SPIDR: variants seen among roughly 807,000 people sequenced by gnomAD.
SPIDR encodes the protein scaffold protein involved in DNA repair, also known as DNA repair-scaffolding protein.
In SPIDR, 93 loss-of-function variants were observed where a neutral mutation model predicts 104.6. The ratio of observed to expected loss-of-function variants is 0.89; its 90% CI spans 0.75 to 1.06. The LOEUF is 1.06. Ranked by LOEUF, SPIDR falls within the 50% of genes least tolerant of loss-of-function variation. The probability of loss-of-function intolerance (pLI) is 0.00; values close to 1 mark genes in which losing one functional copy is unlikely to be tolerated. For missense variants in SPIDR, 1,154 were observed against 1,111.2 expected (o/e 1.04, Z -0.55); for synonymous variants, 431 against 416.9 (o/e 1.03, Z -0.41).
intron 7 of SPIDR, among the ~76,000 whole-genome samples, chr8:47,409,322 C>T (rs537666025): frequency 1.5e-3 from 233 of 151,696 alleles, no homozygotes; most frequent in African/African-American, 5.3e-3. Context: ...TGAGTTTATT[C>T]CTCCAAGGTC....
intron 10 of SPIDR, among the ~76,000 whole-genome samples, chr8:47,653,419 C>T (rs1327765153): frequency 1.3e-5 from 2 of 152,136 alleles, no homozygotes; most frequent in African/African-American, 4.8e-5. Flanking sequence ...AAAATAAGAC[C>T]ACAGTGTGCC....
At position 47,342,429 on chromosome 8, in the gene SPIDR, C is replaced by T. The variant is rs536337291; in HGVS notation, c.525+48399C>T. Reference sequence around the variant, plus strand: ...TTGGCCCACTGCAGCCTCCGCCTCCCGGATTCAAGTGATTCTCCCACCTCA... The same window carrying T: ...TTGGCCCACTGCAGCCTCCGCCTCCTGGATTCAAGTGATTCTCCCACCTCA... On this transcript the variant is annotated intron_variant, in intron 5 of 19. Coordinates refer to ENST00000297423, the MANE Select transcript of SPIDR (RefSeq NM_001080394.4). 7.3e-5 allele frequency among the ~76,000 whole-genome samples: 11 copies of T among 150,526 alleles called. No homozygotes were observed. In the East Asian group the frequency reaches 2.0e-3, roughly 27 times the overall value.
chr8:47,364,860 A>G (rs2056883331), intron 5 of SPIDR, among the ~76,000 whole-genome samples: 1 of 151,996 alleles, frequency 6.6e-6, no homozygotes, highest in Non-Finnish European at 1.5e-5. Flanking sequence ...GATTTTCCTG[A>G]CTTTCCCTGC....
intron 10 of SPIDR, among the ~76,000 whole-genome samples, chr8:47,613,546 T>C (rs563073355): frequency 1.3e-5 from 2 of 152,384 alleles, no homozygotes; most frequent in East Asian, 1.9e-4. Flanking sequence ...ATGGTAATTA[T>C]GTGTTTAACT....
rs139465300 is a variant in SPIDR at position 47,430,930 on chromosome 8, G to A, written c.878-9393G>A. The stretch of plus-strand genomic sequence containing the variant: ...TCAAGAAAGAAGAACTCGTATTCTC[G>A]ATACTCAGAGTGGAAGGCATGGCTG... On this transcript the variant is annotated intron_variant, in intron 7 of 19. Transcript: ENST00000297423. Among the ~76,000 whole-genome samples, 239 of 152,280 alleles carry A rather than the reference G, an allele frequency of 1.6e-3. 1 individual carries two copies. The highest frequency in any genetic ancestry group is 5.6e-3 in the African/African-American group (232 of 41,564).
intron 7 of SPIDR, among the ~76,000 whole-genome samples, chr8:47,423,101 C>T (rs782723525): frequency 2.6e-5 from 4 of 151,916 alleles, no homozygotes; most frequent in Non-Finnish European, 4.4e-5. Flanking sequence ...GTCAGGAGTT[C>T]GAGACCAGCC....
chr8:47,395,666 A>AT lies in SPIDR; in HGVS notation c.526-702dup, dbSNP rs200644984. 5.3e-5 allele frequency among the ~76,000 whole-genome samples: 8 copies of AT among 152,150 alleles called. No individual in the cohort carries two copies. The South Asian group carries it at 1.2e-3, about 24-fold the overall frequency. On this transcript the variant is annotated intron_variant, in intron 5 of 19. Coordinates refer to ENST00000297423, the MANE Select transcript of SPIDR (RefSeq NM_001080394.4). Reference sequence around the variant, plus strand: ...TTTTCCCTCCAGAATTAGCCATATAATTTTTTTTCTTTTTTATTGGCCATA... The same window carrying AT: ...TTTTCCCTCCAGAATTAGCCATATAATTTTTTTTTCTTTTTTATTGGCCATA...
chr8:47,486,687 G>A (rs1221222567), intron 8 of SPIDR, among the ~76,000 whole-genome samples: 3 of 152,168 alleles, frequency 2.0e-5, no homozygotes, highest in African/African-American at 4.8e-5. Flanking sequence ...GAGAGTGGGG[G>A]CCGATATTCA....
chr8:47,518,638 CTT>C (rs899737372), intron 8 of SPIDR, among the ~76,000 whole-genome samples: 12 of 141,224 alleles, frequency 8.5e-5, no homozygotes, highest in Non-Finnish European at 7.8e-5. Flanking sequence ...TCTTCTGCTA[CTT>C]TTTTTTTTTT....
At chr8:47,288,558 C>T (rs1360959494) in intron 3 of SPIDR, among the ~76,000 whole-genome samples, 1 of 152,216 alleles carries the variant, frequency 6.6e-6, no homozygotes, top group Non-Finnish European at 1.5e-5. Context: ...TCTAGGATTA[C>T]AGGCGTGAGC....
chr8:47,439,802 C>A (rs1464607549), intron 7 of SPIDR, among the ~76,000 whole-genome samples: 1 of 152,176 alleles, frequency 6.6e-6, no homozygotes, highest in African/African-American at 2.4e-5. Flanking sequence ...CCACCCATTT[C>A]AATCTAGAGC....
chr8:47,269,307 G>A (rs902295768), intron 1 of SPIDR, among the ~76,000 whole-genome samples: 19 of 151,622 alleles, frequency 1.3e-4, no homozygotes, highest in African/African-American at 4.6e-4. Context: ...ACCCAGGCTG[G>A]AGTGCAGTGG....
chr8:47,647,616 AAGAGAGAGAGAGAGAGAGAGAGAG>A lies in SPIDR; in HGVS notation c.1545-26170_1545-26147del, dbSNP rs369414271. On this transcript the variant is annotated intron_variant, in intron 10 of 19. Transcript: ENST00000297423. ...GTGACAGAGTGAGACTCCATCTCGAAAGAGAGAGAGAGAGAGAGAGAGAGAGAGAGAGAGAGAGGGAGAGAGAGA... is the reference window on the plus strand; with the variant it reads ...GTGACAGAGTGAGACTCCATCTCGAAAGAGAGAGAGAGAGGGAGAGAGAGA... 2.5e-4 allele frequency among the ~76,000 whole-genome samples: 15 copies of A among 60,456 alleles called. No homozygotes were observed. The Admixed American group carries it at 2.8e-3, about 11-fold the overall frequency. 39.7% of individuals were successfully genotyped at this position (60,456 alleles called of 152,430 possible).
At chr8:47,503,061 G>T (rs2080808574) in intron 8 of SPIDR, among the ~76,000 whole-genome samples, 2 of 152,168 alleles carry the variant, frequency 1.3e-5, no homozygotes, top group Non-Finnish European at 2.9e-5. Context: ...TTCCAACTAT[G>T]TGGTCAGTTT....
intron 8 of SPIDR, among the ~76,000 whole-genome samples, chr8:47,472,513 G>A (rs572349020): frequency 7.9e-5 from 12 of 152,302 alleles, no homozygotes; most frequent in Admixed American, 1.3e-4. Context: ...AGTATTACAG[G>A]TGTTCAAGGG....
intron 8 of SPIDR, among the ~76,000 whole-genome samples, chr8:47,519,117 A>G (rs147593161): frequency 5.3e-5 from 8 of 151,410 alleles, no homozygotes; most frequent in Admixed American, 6.6e-5. Context: ...TGACCTGGCT[A>G]TGTGTTTTGT....
At chr8:47,465,272 A>G (rs1296062241) in intron 8 of SPIDR, among the ~76,000 whole-genome samples, 2 of 152,240 alleles carry the variant, frequency 1.3e-5, no homozygotes, top group Non-Finnish European at 2.9e-5. Flanking sequence ...AAGTTACTTA[A>G]GTACACAGAG....
intron 8 of SPIDR, among the ~76,000 whole-genome samples, chr8:47,499,989 TGCATAG>T (rs1431773817): frequency 1.3e-5 from 2 of 152,234 alleles, no homozygotes. Flanking sequence ...TTTTTATGGC[TGCATAG>T]TATTCCATGG....
intron 10 of SPIDR, among the ~76,000 whole-genome samples, chr8:47,626,707 A>G (rs1448001816): frequency 6.6e-6 from 1 of 152,270 alleles, no homozygotes; most frequent in Non-Finnish European, 1.5e-5. Context: ...CATGCCAGTT[A>G]GAATGGCAAT....
Sources: allele counts gnomAD v4.1 joint callset (sites outside exome capture counted in the v4.1 genomes callset), GRCh38; gene constraint gnomAD v4.1.1; transcripts MANE v1.5; gene names NCBI Gene and HGNC (gene_info 2026-07-23, HGNC 2026-07-21).